The following SIPA1L3 variants were observed in gnomAD, a reference collection of about 807,000 sequenced individuals.
SIPA1L3 encodes signal induced proliferation associated 1 like 3, also known as signal-induced proliferation-associated 1-like protein 3.
SIPA1L3 carries 59 observed loss-of-function variants against 150.1 expected under a neutral mutation model. The ratio of observed to expected loss-of-function variants is 0.39; its 90% CI spans 0.32 to 0.49. SIPA1L3 has a LOEUF of 0.49. Ranked by LOEUF, SIPA1L3 falls within the 20% of genes least tolerant of loss-of-function variation. The probability of loss-of-function intolerance (pLI) is 0.86; values close to 1 mark genes in which losing one functional copy is unlikely to be tolerated. For missense variants in SIPA1L3, 2,211 were observed against 2,489.5 expected, an observed-to-expected ratio of 0.89 and a Z score of 2.38; for synonymous variants, 1,070 against 1,077.6, an observed-to-expected ratio of 0.99 and a Z score of 0.14.
chr19:38,127,096 G>T (rs937406027), intron 9 of SIPA1L3, among the ~76,000 whole-genome samples: 1 of 152,148 alleles, frequency 6.6e-6, no homozygotes. Context: ...GGAGGCTGAG[G>T]CAGGAGAATT....
chr19:38,091,781 G>A (rs1970264407), intron 4 of SIPA1L3, among the ~76,000 whole-genome samples: 2 of 152,192 alleles, frequency 1.3e-5, no homozygotes, highest in Admixed American at 1.3e-4. Flanking sequence ...CAATAGGCGG[G>A]GCGTGGAGGC....
At chr19:37,948,102 G>T (rs1332474285) in intron 1 of SIPA1L3, among the ~76,000 whole-genome samples, 2 of 152,200 alleles carry the variant, frequency 1.3e-5, no homozygotes, top group Non-Finnish European at 2.9e-5. Flanking sequence ...GAAGTGTCAT[G>T]AAAGACTCTT....
chr19:38,022,768 A>G (rs1374247424), intron 1 of SIPA1L3, among the ~76,000 whole-genome samples: 1 of 152,252 alleles, frequency 6.6e-6, no homozygotes, highest in African/African-American at 2.4e-5. Flanking sequence ...AGTGCCTGGC[A>G]TGTAGTAAAA....
intron 19 of SIPA1L3, among the ~76,000 whole-genome samples, chr19:38,201,479 C>A (rs778015927): frequency 1.3e-5 from 2 of 152,212 alleles, no homozygotes; most frequent in Non-Finnish European, 2.9e-5. Context: ...GGCGCCAGCC[C>A]GTCCACTTTG....
intron 12 of SIPA1L3, among the ~76,000 whole-genome samples, chr19:38,145,111 G>A (rs898433950): frequency 6.6e-6 from 1 of 151,502 alleles, no homozygotes; most frequent in Admixed American, 6.6e-5. Flanking sequence ...GGTGGCAGTG[G>A]TGTTACCGAA....
chr19:37,956,264 G>A (rs1568478431), intron 1 of SIPA1L3, among the ~76,000 whole-genome samples: 1 of 152,232 alleles, frequency 6.6e-6, no homozygotes, highest in East Asian at 1.9e-4. Flanking sequence ...GATGACTAAT[G>A]CTGTTGATCA....
Position 37,973,556 on chromosome 19 carries a change from C to CGGG in SIPA1L3, c.-378-55532_-378-55530dup, listed in dbSNP as rs1290013117. 7.0e-3 allele frequency among the ~76,000 whole-genome samples: 287 copies of CGGG among 40,836 alleles called. 39 individuals are homozygous for CGGG. Among genetic ancestry groups the CGGG allele is most frequent in the African/African-American group, 0.023 (214 of 9,194 alleles). 26.8% of individuals were successfully genotyped at this position (40,836 alleles called of 152,430 possible). On this transcript the variant is annotated intron_variant, in intron 1 of 21. Coordinates refer to ENST00000222345, the MANE Select transcript of SIPA1L3 (RefSeq NM_015073.3). Reference sequence around the variant, plus strand: ...GGCCAAAAAAAAAAAAAAAAAAAAGCGGGAGGGGGGCGCATCTTGAAGCAC... The same window carrying CGGG: ...GGCCAAAAAAAAAAAAAAAAAAAAGCGGGGGGAGGGGGGCGCATCTTGAAGCAC...
Position 38,119,522 on chromosome 19 carries a change from C to T in SIPA1L3, c.2508C>T (p.Thr836=). The change falls in exon 9 of 22, where the codon ACC becomes ACT. Residue 836 remains threonine, a synonymous_variant. Transcript: ENST00000222345. ...KDLAENCVSN[T]PIDSTGKFNL... ...TGGCCGAAAACTGTGTCTCCAACAC[C>T]CCCATCGACTCCACCGGCAAATTCA... 1 of 1,614,148 alleles carries T rather than the reference C, an allele frequency of 6.2e-7. No homozygotes were observed. The highest frequency in any genetic ancestry group is 8.5e-7 in the Non-Finnish European group (1 of 1,180,034).
At chr19:38,103,590 T>G (rs1206917267) in intron 6 of SIPA1L3, among the ~76,000 whole-genome samples, 1 of 149,474 alleles carries the variant, frequency 6.7e-6, no homozygotes, top group Non-Finnish European at 1.5e-5. Context: ...ATCACACCAC[T>G]GTACTCGAGC....
At chr19:38,099,921 T>G (rs1568549391) in intron 4 of SIPA1L3, 41 bp from the exon 5 acceptor site, 2 of 1,502,154 alleles carry the variant, frequency 1.3e-6, no homozygotes, top group Non-Finnish European at 1.8e-6. Context: ...CCTTTTTAGG[T>G]CTCGAGAGCC....
At position 38,150,304 on chromosome 19, in the gene SIPA1L3, A is replaced by G. The variant is rs574955649; in HGVS notation, c.3534-2536A>G. Among the ~76,000 whole-genome samples the G allele has an allele frequency of 1.2e-3, 179 of 152,188 alleles. 1 individual carries two copies. The highest frequency in any genetic ancestry group is 4.2e-3 in the African/African-American group (175 of 41,518). Reference sequence around the variant, plus strand: ...TTTTCAGAGAGTGCAGTGCCCCTTGAAACACCTCTCTACTGTGCTCAGGGC... The same window carrying G: ...TTTTCAGAGAGTGCAGTGCCCCTTGGAACACCTCTCTACTGTGCTCAGGGC... On this transcript the variant is annotated intron_variant, in intron 12 of 21. Transcript: ENST00000222345.
chr19:38,030,642 A>ATATATATATATATATATATATATG (rs1555778714), intron 2 of SIPA1L3, among the ~76,000 whole-genome samples: 36 of 75,352 alleles, frequency 4.8e-4, no homozygotes, highest in African/African-American at 1.4e-3. Flanking sequence ...ATATATATAT[A>ATATATATATATATATATATATATG]TATATATATG....
Position 38,082,822 on chromosome 19 carries a change from C to T in SIPA1L3, c.1257C>T (p.Asn419=), listed in dbSNP as rs778393753. The part of the protein sequence containing the change: ...ENLEQDLGDD[N]SNDLLLSCPH... ...TGGAGCAGGACCTCGGCGATGACAA[C>T]AGCAACGACCTGCTGCTCAGCTGCC... The change falls in exon 3 of 22, where the codon AAC becomes AAT. Residue 419 remains asparagine, a synonymous_variant. Transcript: ENST00000222345. 3 of 1,613,690 alleles carry T rather than the reference C, an allele frequency of 1.9e-6. No individual in the cohort carries two copies. The Admixed American group carries it at 5.0e-5, about 27-fold the overall frequency.
intron 1 of SIPA1L3, among the ~76,000 whole-genome samples, chr19:37,942,098 C>A (rs1280301214): frequency 6.6e-6 from 1 of 152,188 alleles, no homozygotes; most frequent in East Asian, 1.9e-4. Context: ...TTCATTCATT[C>A]CATTGTTAAC....
At chr19:37,939,722 A>G (rs751134848) in intron 1 of SIPA1L3, among the ~76,000 whole-genome samples, 5 of 152,232 alleles carry the variant, frequency 3.3e-5, no homozygotes, top group Non-Finnish European at 5.9e-5. Flanking sequence ...TCAGTACTAT[A>G]TGTAGCTGCA....
At chr19:38,119,262 T>C (rs772040110) in intron 8 of SIPA1L3, 44 bp from the exon 9 acceptor site, 1 of 1,527,366 alleles carries the variant, frequency 6.5e-7, no homozygotes, top group Admixed American at 1.8e-5. Flanking sequence ...TGAAGTGTCT[T>C]AGTGCCTTTC....
intron 1 of SIPA1L3, among the ~76,000 whole-genome samples, chr19:37,952,673 A>AT (rs2046775393): frequency 6.6e-6 from 1 of 152,234 alleles, no homozygotes; most frequent in Non-Finnish European, 1.5e-5. Flanking sequence ...ACTCTGTCTC[A>AT]AAAATAAAAT....
intron 9 of SIPA1L3, among the ~76,000 whole-genome samples, chr19:38,126,000 C>T (rs1971162709): frequency 6.6e-6 from 1 of 152,136 alleles, no homozygotes. Context: ...GGTGAAACCC[C>T]ATCTCTACTA....
At chr19:38,092,085 T>G (rs1160710230) in intron 4 of SIPA1L3, among the ~76,000 whole-genome samples, 1 of 131,826 alleles carries the variant, frequency 7.6e-6, no homozygotes, top group Non-Finnish European at 1.6e-5. Context: ...AAAAAGAAAA[T>G]ACAATATATA....
Sources: allele counts gnomAD v4.1 joint callset (sites outside exome capture counted in the v4.1 genomes callset), GRCh38; gene constraint gnomAD v4.1.1; transcripts MANE v1.5; gene names NCBI Gene and HGNC (gene_info 2026-07-23, HGNC 2026-07-21).